Variants in SP6 observed in about 807,000 individuals in gnomAD.
SP6 encodes the protein Sp6 transcription factor.
SP6 carries 10 observed loss-of-function variants against 23.4 expected under a neutral mutation model. The observed-to-expected ratio is 0.43, with a 90% CI of 0.26 to 0.72. SP6 has a LOEUF of 0.72. Among genes scored for constraint, SP6 ranks in the 30% least tolerant of loss-of-function variants. SP6 has a pLI of 0.23. For synonymous variants in SP6, 238 were observed against 238.7 expected, an observed-to-expected ratio of 1.00 and a Z score of 0.03; for missense variants, 482 against 523.8, an observed-to-expected ratio of 0.92 and a Z score of 0.78.
At position 47,847,012 on chromosome 17, in the gene SP6, G is replaced by T; in HGVS notation, c.*287C>A. 1 of 435,012 alleles carries T rather than the reference G, an allele frequency of 2.3e-6. No homozygotes were observed. Among genetic ancestry groups the T allele is most frequent in the Non-Finnish European group, 4.1e-6 (1 of 244,352 alleles). The allele number at this position is 435,012 out of a possible 1,614,324, so 26.9% of individuals were successfully genotyped here. A position where few individuals can be genotyped will look rare whatever the true frequency, so the allele number is the denominator to read the frequency against. ...TCCCCGCCAGCCAGCCGCGGTACGG[G>T]TGTCCCACCCCAACCCCCCAGCCCA... On this transcript the variant is annotated 3_prime_UTR_variant, in exon 2 of 2. Coordinates refer to ENST00000536300, the MANE Select transcript of SP6 (RefSeq NM_001258248.2).
chr17:47,862,603 C>T, the SP6 span, among the ~76,000 whole-genome samples: 1 of 151,940 alleles, frequency 6.6e-6, no homozygotes, highest in African/African-American at 2.4e-5. Context: ...AGAAGTGATT[C>T]CAAGCCATGT....
chr17:47,865,113 C>T, the SP6 span: 1 of 152,270 alleles, frequency 6.6e-6, no homozygotes, highest in Non-Finnish European at 1.5e-5. Context: ...CAAACTACTT[C>T]AAACGAATTC....
At chr17:47,858,472 A>G (rs1273151027), upstream of SP6, among the ~76,000 whole-genome samples, 1 of 152,190 alleles carries the variant, frequency 6.6e-6, no homozygotes, top group African/African-American at 2.4e-5. Flanking sequence ...TGGGCTAAGT[A>G]AGATCTCCCA....
At chr17:47,855,609 C>G (rs1260358981), upstream of SP6, 1 of 152,212 alleles carries the variant, frequency 6.6e-6, no homozygotes, top group Non-Finnish European at 1.5e-5. Context: ...ACCTGATCCT[C>G]TTTGTGGAGG....
At chr17:47,874,482 G>A in the SP6 span, among the ~76,000 whole-genome samples, 1 of 152,158 alleles carries the variant, frequency 6.6e-6, no homozygotes, top group East Asian at 1.9e-4. Context: ...TGAGGTAGAA[G>A]GACTGCTTGA....
upstream of SP6, among the ~76,000 whole-genome samples, chr17:47,859,432 C>A (rs970347089): frequency 3.3e-5 from 5 of 152,210 alleles, no homozygotes; most frequent in African/African-American, 1.2e-4. Context: ...GCACTTATTG[C>A]CTCATGCTCT....
chr17:47,848,290 A>G lies in SP6; in HGVS notation c.140T>C (p.Leu47Pro). 1 of 1,612,204 alleles carries G rather than the reference A, an allele frequency of 6.2e-7. No individual in the cohort carries two copies. The highest frequency in any genetic ancestry group is 1.1e-5 in the South Asian group (1 of 90,940). The change falls in exon 2 of 2, where the codon CTG (leucine) becomes CCG (proline). Residue 47 changes from leucine to proline, a missense_variant. By Grantham distance (98) the Leu-to-Pro change is moderately conservative. This residue lies in a region of SP6 where 330 missense variants were observed against 332.3 expected (regional missense o/e 0.99). Transcript: ENST00000536300. The surrounding 1 kb of genome is among the most constrained non-coding windows in gnomAD (Gnocchi z 5.3). The stretch of plus-strand genomic sequence containing the variant: ...GAGGCTCTGCAGCTCTCCAGGCTGC[A>G]GCGGGGAGGGGTAGTCCCCGGCCTC... ...SPEAGDYPSPLQPGELQSLPL... is the reference protein window; with the variant it reads ...SPEAGDYPSPPQPGELQSLPL...
At position 47,847,222 on chromosome 17, in the gene SP6, A is replaced by AC. The variant is rs2033894586; in HGVS notation, c.*76dup. ...CGCACCTTCCCCTCTTCCTCAAGCC[A>AC]CCCCCAAGGACGTCAGACCTGGGGG... On this transcript the variant is annotated 3_prime_UTR_variant, in exon 2 of 2. Transcript: ENST00000536300. 7.2e-6 allele frequency: 10 copies of AC among 1,386,176 alleles called. No homozygotes were observed. In the South Asian group the frequency reaches 1.5e-4, roughly 21 times the overall value. The allele number at this position is 1,386,176 out of a possible 1,614,324, so 85.9% of individuals were successfully genotyped here. A position where few individuals can be genotyped will look rare whatever the true frequency, so the allele number is the denominator to read the frequency against.
chr17:47,866,359 G>C, the SP6 span, among the ~76,000 whole-genome samples: 39 of 152,262 alleles, frequency 2.6e-4, no homozygotes, highest in African/African-American at 9.1e-4. Flanking sequence ...GTGAGGAGGG[G>C]TATGGAGTAG....
At chr17:47,859,244 T>C (rs775037909), upstream of SP6, among the ~76,000 whole-genome samples, 3 of 152,326 alleles carry the variant, frequency 2.0e-5, no homozygotes, top group East Asian at 1.9e-4. Context: ...ATGGATTTAA[T>C]GTTCACCAAA....
At chr17:47,852,014 C>T (rs1375338251), upstream of SP6, among the ~76,000 whole-genome samples, 2 of 152,024 alleles carry the variant, frequency 1.3e-5, no homozygotes, top group African/African-American at 4.8e-5. Flanking sequence ...TCGGGAAATG[C>T]TCAGCCTACG....
rs576320218 is a variant in SP6 at position 47,848,097 on chromosome 17, A to G, written c.333T>C (p.Thr111=). The G allele has an allele frequency of 6.2e-7, 1 of 1,613,602 alleles. No homozygotes were observed. The highest frequency in any genetic ancestry group is 1.3e-5 in the African/African-American group (1 of 75,048). Residue 111 remains threonine (T), a synonymous_variant, in exon 2 of 2, where the codon ACT becomes ACC. Coordinates refer to ENST00000536300, the MANE Select transcript of SP6 (RefSeq NM_001258248.2). This position sits in a 1 kb window ranked among gnomAD's most constrained non-coding sequence, Gnocchi z 5.3. ...ACGAGCCATCCTCCGCGCCTGGGTG[A>G]GTCGGCCTGAACCACGATTCATAAT... ...SHHYESWFRP[T]HPGAEDGSWW...
chr17:47,857,435 T>A (rs1017870784), upstream of SP6, among the ~76,000 whole-genome samples: 1 of 152,188 alleles, frequency 6.6e-6, no homozygotes, highest in Non-Finnish European at 1.5e-5. Context: ...GCATACAAAT[T>A]CTTTCAATCG....
upstream of SP6, among the ~76,000 whole-genome samples, chr17:47,858,963 C>T (rs1350665946): frequency 2.6e-5 from 4 of 151,768 alleles, no homozygotes; most frequent in African/African-American, 7.3e-5. Flanking sequence ...TTGGTAGAGA[C>T]GGAGTTTCAC....
the SP6 span, among the ~76,000 whole-genome samples, chr17:47,869,489 G>A: frequency 6.6e-6 from 1 of 152,186 alleles, no homozygotes; most frequent in East Asian, 1.9e-4. Flanking sequence ...TCTCAGGAGA[G>A]CCTGAGTTTG....
At chr17:47,873,845 TTCCTCC>T in the SP6 span, among the ~76,000 whole-genome samples, 1 of 138,666 alleles carries the variant, frequency 7.2e-6, no homozygotes, top group Non-Finnish European at 1.6e-5. Flanking sequence ...CCTTCTTGCT[TTCCTCC>T]TCCTCCTCCT....
Position 47,848,390 on chromosome 17 carries a change from T to C in SP6, c.40A>G (p.Thr14Ala), listed in dbSNP as rs759765889. Residue 14 changes from threonine to alanine, a missense_variant, in exon 2 of 2, where the codon ACG becomes GCG. Around this residue, in one of 3 missense-constraint regions of SP6, gnomAD observed 330 missense variants for 332.3 expected, o/e 0.99. Coordinates refer to ENST00000536300, the MANE Select transcript of SP6 (RefSeq NM_001258248.2). This position sits in a 1 kb window ranked among gnomAD's most constrained non-coding sequence, Gnocchi z 5.3. ...GGCGGGGAGGCGTGCGGCGCTTCCG[T>C]GTGCTGGCTGCCCAGAGAGCCGCAG... ...AVCGSLGSQH[T>A]EAPHASPPRL... 66 of 1,547,424 alleles carry C rather than the reference T, an allele frequency of 4.3e-5. No homozygotes were observed. In the East Asian group the frequency reaches 1.2e-3, roughly 27 times the overall value.
At chr17:47,850,499 G>A (rs1322817911) in intron 1 of SP6, among the ~76,000 whole-genome samples, 1 of 152,204 alleles carries the variant, frequency 6.6e-6, no homozygotes, top group African/African-American at 2.4e-5. Flanking sequence ...GGAAAGAAGG[G>A]AACAGGATTG....
rs1347532326 is a variant in SP6, at chr17:47,845,228, G to A, written c.*2071C>T. Reference sequence around the variant, plus strand: ...GGAAAAGGCTGTCTTGGTGGCACAGGGAAGGGGTGGCTGGTTTCGATGGGT... The same window carrying A: ...GGAAAAGGCTGTCTTGGTGGCACAGAGAAGGGGTGGCTGGTTTCGATGGGT... On this transcript the variant is annotated 3_prime_UTR_variant, in exon 2 of 2. Transcript: ENST00000536300. 1 of 152,158 alleles carries A rather than the reference G, an allele frequency of 6.6e-6. No homozygotes were observed. The highest frequency in any genetic ancestry group is 1.5e-5 in the Non-Finnish European group (1 of 68,032). The allele number at this position is 152,158 out of a possible 1,614,324, so 9.4% of individuals were successfully genotyped here.
Sources: gnomAD v4.1 joint callset for allele counts (sites outside exome capture counted in the v4.1 genomes callset) on GRCh38, gnomAD v4.1.1 for gene constraint, gnomAD v4.1.1 regional missense constraint, Gnocchi (gnomAD v3.1) non-coding constraint, MANE v1.5 for transcripts, NCBI Gene and HGNC (gene_info 2026-07-23, HGNC 2026-07-21) for gene names.